The following HPSE2 variants were observed in gnomAD, a reference collection of about 807,000 sequenced individuals.
HPSE2 encodes the protein inactive heparanase-2.
In HPSE2, 38 loss-of-function variants were observed where a neutral mutation model predicts 60.5. The observed-to-expected ratio is 0.63, with a 90% CI of 0.48 to 0.82. The LOEUF (loss-of-function observed/expected upper bound fraction) is 0.82. HPSE2 is among the 40% of genes least tolerant of loss of function. The pLI, the probability that HPSE2 is intolerant of heterozygous loss-of-function variation, is 0.00. For synonymous variants in HPSE2, 295 were observed against 293.2 expected (o/e 1.01, Z -0.06); for missense variants, 713 against 740.4 (o/e 0.96, Z 0.43).
intron 2 of HPSE2, among the ~76,000 whole-genome samples, chr10:99,171,477 T>C (rs1323453476): frequency 6.6e-6 from 1 of 152,152 alleles, no homozygotes; most frequent in Non-Finnish European, 1.5e-5. Flanking sequence ...GATGTAGCTC[T>C]GAATGTTCCT....
chr10:98,538,895 C>T (rs960712178), intron 9 of HPSE2, among the ~76,000 whole-genome samples: 6 of 152,120 alleles, frequency 3.9e-5, no homozygotes, highest in African/African-American at 1.4e-4. Flanking sequence ...TTTGCGGGGA[C>T]AGTGAAGACA....
chr10:98,973,862 G>A (rs981762943), intron 3 of HPSE2, among the ~76,000 whole-genome samples: 2 of 152,024 alleles, frequency 1.3e-5, no homozygotes, highest in Non-Finnish European at 2.9e-5. Context: ...AAAAAAAGGG[G>A]GGGGGAGATA....
chr10:98,906,540 G>A (rs1953821385), intron 3 of HPSE2, among the ~76,000 whole-genome samples: 1 of 152,134 alleles, frequency 6.6e-6, no homozygotes, highest in African/African-American at 2.4e-5. Flanking sequence ...AAATGATAGG[G>A]TGAAAATCAA....
At chr10:99,002,542 G>C (rs1199412270) in intron 3 of HPSE2, among the ~76,000 whole-genome samples, 1 of 151,982 alleles carries the variant, frequency 6.6e-6, no homozygotes, top group African/African-American at 2.4e-5. Flanking sequence ...ATCTCATACA[G>C]ACACCTTATA....
chr10:99,193,793 A>T (rs1039486276), intron 2 of HPSE2, among the ~76,000 whole-genome samples: 3 of 152,122 alleles, frequency 2.0e-5, no homozygotes, highest in African/African-American at 7.2e-5. Context: ...TATAAAAAGC[A>T]AATATTATTA....
chr10:98,566,280 T>G (rs1342552540), intron 9 of HPSE2, among the ~76,000 whole-genome samples: 4 of 152,220 alleles, frequency 2.6e-5, no homozygotes, highest in Non-Finnish European at 5.9e-5. Context: ...ACCTAGGACT[T>G]GGCTCTGACT....
intron 3 of HPSE2, among the ~76,000 whole-genome samples, chr10:98,765,822 G>A (rs1446323414): frequency 6.6e-6 from 1 of 152,056 alleles, no homozygotes; most frequent in Non-Finnish European, 1.5e-5. Context: ...CAGCCTGGGT[G>A]ACAGAGCAAG....
chr10:98,749,947 T>TACACAC (rs113721855), intron 3 of HPSE2, among the ~76,000 whole-genome samples: 1 of 98,466 alleles, frequency 1.0e-5, no homozygotes, highest in African/African-American at 3.3e-5. Flanking sequence ...TATATATATA[T>TACACAC]ACACACACAC....
chr10:98,835,422 G>A (rs141520456), intron 3 of HPSE2, among the ~76,000 whole-genome samples: 35 of 152,138 alleles, frequency 2.3e-4, no homozygotes, highest in African/African-American at 8.2e-4. Flanking sequence ...TGCACCCTTG[G>A]TTAATAAAAA....
chr10:98,484,738 A>C (rs1229774764), intron 10 of HPSE2, among the ~76,000 whole-genome samples: 1 of 152,212 alleles, frequency 6.6e-6, no homozygotes, highest in African/African-American at 2.4e-5. Context: ...CAAGATTATA[A>C]AACTATTCAC....
intron 3 of HPSE2, among the ~76,000 whole-genome samples, chr10:98,921,807 G>A (rs951224082): frequency 2.0e-5 from 3 of 152,034 alleles, no homozygotes; most frequent in Admixed American, 6.6e-5. Flanking sequence ...AAGCTTATTA[G>A]GTGAATATCT....
intron 7 of HPSE2, among the ~76,000 whole-genome samples, chr10:98,622,568 TC>T (rs1946102207): frequency 6.6e-6 from 1 of 152,318 alleles, no homozygotes; most frequent in South Asian, 2.1e-4. Context: ...CTGTCCTCTC[TC>T]CCCACATTTG....
chr10:98,477,486 G>A (rs557771265), intron 11 of HPSE2, among the ~76,000 whole-genome samples: 6 of 152,312 alleles, frequency 3.9e-5, no homozygotes, highest in Non-Finnish European at 8.8e-5. Context: ...CAATGTGTCA[G>A]AACAGAACAG....
At chr10:98,583,538 C>T (rs1944860740) in intron 9 of HPSE2, among the ~76,000 whole-genome samples, 1 of 152,198 alleles carries the variant, frequency 6.6e-6, no homozygotes, top group Admixed American at 6.5e-5. Context: ...CCTGCTCCTG[C>T]AAAACAATGC....
chr10:98,842,785 A>G (rs1339073893), intron 3 of HPSE2, among the ~76,000 whole-genome samples: 1 of 152,140 alleles, frequency 6.6e-6, no homozygotes, highest in Non-Finnish European at 1.5e-5. Context: ...GTATAATGAC[A>G]TGCATCTACT....
At chr10:98,824,940 C>A (rs1156817507) in intron 3 of HPSE2, among the ~76,000 whole-genome samples, 2 of 152,194 alleles carry the variant, frequency 1.3e-5, no homozygotes, top group East Asian at 3.9e-4. Context: ...CTTCCTTCCT[C>A]CTTCTCTTTT....
chr10:98,960,904 A>T, intron 3 of HPSE2, among the ~76,000 whole-genome samples: 1 of 66,418 alleles, frequency 1.5e-5, no homozygotes, highest in African/African-American at 6.6e-5. Flanking sequence ...CCCCGACCCC[A>T]CCACAGTCCC....
intron 6 of HPSE2, among the ~76,000 whole-genome samples, chr10:98,662,008 C>T (rs1346070237): frequency 2.0e-5 from 3 of 152,216 alleles, no homozygotes; most frequent in Non-Finnish European, 4.4e-5. Flanking sequence ...GATTCCCCTG[C>T]CTCAGCCTCC....
intron 3 of HPSE2, among the ~76,000 whole-genome samples, chr10:98,817,421 T>C (rs1429562595): frequency 1.3e-5 from 2 of 152,144 alleles, no homozygotes; most frequent in Admixed American, 6.5e-5. Flanking sequence ...CTTCTCCAAA[T>C]TATATTGGAA....
Sources: gnomAD v4.1 joint callset for allele counts (sites outside exome capture counted in the v4.1 genomes callset) on GRCh38, gnomAD v4.1.1 for gene constraint, MANE v1.5 for transcripts, NCBI Gene and HGNC (gene_info 2026-07-23, HGNC 2026-07-21) for gene names.